METAP2: variants seen among roughly 807,000 people sequenced by gnomAD.
METAP2 encodes the protein methionyl aminopeptidase 2.
In METAP2, 25 loss-of-function variants were observed where a neutral mutation model predicts 59.4. The observed-to-expected ratio is 0.42, with a 90% CI of 0.31 to 0.59. The LOEUF (loss-of-function observed/expected upper bound fraction) is 0.59. METAP2 is among the 20% of genes least tolerant of loss of function. The pLI is 0.16. For synonymous variants in METAP2, 214 were observed against 194.1 expected (o/e 1.10, Z -0.85); for missense variants, 366 against 581.2 (o/e 0.63, Z 3.81).
intron 7 of METAP2, among the ~76,000 whole-genome samples, chr12:95,498,186 A>G (rs1350870615): frequency 6.7e-6 from 1 of 150,056 alleles, no homozygotes; most frequent in Non-Finnish European, 1.5e-5. Flanking sequence ...GCCCAGGCTG[A>G]TCTTGAATTC....
chr12:95,482,001 A>G (rs1210116073), intron 2 of METAP2: 1 of 306,268 alleles, frequency 3.3e-6, no homozygotes, highest in Non-Finnish European at 6.7e-6. Flanking sequence ...GGTTACTGTT[A>G]ACGTTACAGT....
At chr12:95,512,222 A>T (rs994519551) in intron 9 of METAP2, among the ~76,000 whole-genome samples, 1 of 152,198 alleles carries the variant, frequency 6.6e-6, no homozygotes, top group Non-Finnish European at 1.5e-5. Flanking sequence ...TCAACATTTA[A>T]TGAATATTTA....
chr12:95,503,187 C>T (rs1277164871), intron 7 of METAP2, among the ~76,000 whole-genome samples: 1 of 152,022 alleles, frequency 6.6e-6, no homozygotes, highest in African/African-American at 2.4e-5. Flanking sequence ...ATCAGATATT[C>T]CCCCTTCCCC....
chr12:95,495,219 C>T (rs561941228), intron 6 of METAP2, 81 bp downstream of exon 6: 3 of 1,191,262 alleles, frequency 2.5e-6, no homozygotes, highest in Non-Finnish European at 3.5e-6. Context: ...GTGATAAATA[C>T]TGAACTCCCA....
chr12:95,487,590 A>T (rs1159825007), intron 4 of METAP2, among the ~76,000 whole-genome samples: 1 of 108,238 alleles, frequency 9.2e-6, no homozygotes, highest in Non-Finnish European at 1.8e-5. Flanking sequence ...ATAATCTCTT[A>T]ATTTTTTTTT....
chr12:95,492,981 C>T (rs1356958645), intron 4 of METAP2, among the ~76,000 whole-genome samples: 5 of 152,132 alleles, frequency 3.3e-5, no homozygotes, highest in African/African-American at 1.2e-4. Context: ...ATTTATAAAA[C>T]AGGGGAGGCA....
chr12:95,486,588 C>G (rs1014408495), intron 4 of METAP2, among the ~76,000 whole-genome samples: 1 of 151,830 alleles, frequency 6.6e-6, no homozygotes, highest in South Asian at 2.1e-4. Flanking sequence ...ACCTCTGCCT[C>G]CCGGGTTCAA....
At chr12:95,509,877 C>T (rs11108082) in intron 8 of METAP2, among the ~76,000 whole-genome samples, 14,724 of 135,652 alleles carry the variant, frequency 0.11, 854 homozygotes, top group African/African-American at 0.13. Context: ...GAGACTCTGT[C>T]GCCCAGACTG....
At chr12:95,496,770 G>C (rs1312475682) in intron 7 of METAP2, among the ~76,000 whole-genome samples, 1 of 149,202 alleles carries the variant, frequency 6.7e-6, no homozygotes, top group Admixed American at 6.7e-5. Context: ...TTGGAGGGAG[G>C]TGCAGTTAAA....
chr12:95,486,997 T>C (rs2076202255), intron 4 of METAP2, among the ~76,000 whole-genome samples: 1 of 152,240 alleles, frequency 6.6e-6, no homozygotes, highest in South Asian at 2.1e-4. Context: ...TTCTGACATT[T>C]ATTAGCTTTG....
chr12:95,503,531 A>G (rs956032819), intron 7 of METAP2, among the ~76,000 whole-genome samples: 3 of 152,106 alleles, frequency 2.0e-5, no homozygotes, highest in Admixed American at 1.3e-4. Context: ...GTGTGCAACT[A>G]TGAGGGGAGA....
chr12:95,494,300 A>T, intron 5 of METAP2, 83 bp downstream of exon 5: 1 of 1,297,292 alleles, frequency 7.7e-7, no homozygotes, highest in Non-Finnish European at 1.1e-6. Flanking sequence ...TTTGGCTTTC[A>T]TTACCACTTT....
intron 7 of METAP2, among the ~76,000 whole-genome samples, chr12:95,500,638 C>T (rs2076308547): frequency 6.6e-6 from 1 of 152,148 alleles, no homozygotes; most frequent in Admixed American, 6.5e-5. Flanking sequence ...TCAATTCAGA[C>T]AGTCATATGG....
chr12:95,501,752 A>G (rs1319657434), intron 7 of METAP2, among the ~76,000 whole-genome samples: 2 of 151,926 alleles, frequency 1.3e-5, no homozygotes, highest in African/African-American at 4.8e-5. Flanking sequence ...TTAGTTCCTT[A>G]AGTCATGTGG....
chr12:95,489,793 A>T (rs2076223740), intron 4 of METAP2, among the ~76,000 whole-genome samples: 1 of 152,190 alleles, frequency 6.6e-6, no homozygotes, highest in Non-Finnish European at 1.5e-5. Flanking sequence ...AGCTGAGATG[A>T]CACCATTGCA....
intron 8 of METAP2, among the ~76,000 whole-genome samples, chr12:95,510,679 G>A (rs2076395854): frequency 6.6e-6 from 1 of 152,144 alleles, no homozygotes. Context: ...AATTACAGCA[G>A]CCTGCCTCTA....
At chr12:95,475,979 A>G in intron 1 of METAP2, 92 bp from the exon 2 acceptor site, 1 of 721,440 alleles carries the variant, frequency 1.4e-6, no homozygotes. Context: ...TTCCTGAGGA[A>G]AGGATTTGTA....
At position 95,498,980 on chromosome 12, in the gene METAP2, C is replaced by T. The variant is rs149168814; in HGVS notation, c.867+2882C>T. On this transcript the variant is annotated intron_variant, in intron 7 of 10. Transcript: ENST00000323666. ...TCAGTGAGACAAGATTACGCCACTG[C>T]GTTCCAGCCTGGGTAAAAAAGCAAG... Among the ~76,000 whole-genome samples the T allele has an allele frequency of 2.8e-3, 426 of 150,730 alleles. 2 individuals carry two copies. Among genetic ancestry groups the T allele is most frequent in the Non-Finnish European group, 5.2e-3 (350 of 67,840 alleles).
At chr12:95,512,064 G>T in intron 9 of METAP2, 66 bp downstream of exon 9, 3 of 1,144,380 alleles carry the variant, frequency 2.6e-6, no homozygotes, top group Non-Finnish European at 2.6e-6. Flanking sequence ...GAAGGTCATG[G>T]TAGTTAAATA....
Sources: allele counts gnomAD v4.1 joint callset (sites outside exome capture counted in the v4.1 genomes callset), GRCh38; gene constraint gnomAD v4.1.1; transcripts MANE v1.5; gene names NCBI Gene and HGNC (gene_info 2026-07-23, HGNC 2026-07-21).